Variants in SEZ6L observed in about 807,000 individuals in gnomAD.
SEZ6L encodes the protein seizure related 6 homolog like, also known as seizure 6-like protein.
SEZ6L carries 37 observed loss-of-function variants against 106.2 expected under a neutral mutation model. That is an observed-to-expected ratio of 0.35 (90% CI 0.27 to 0.46). The LOEUF is 0.46. Among genes scored for constraint, SEZ6L ranks in the 20% least tolerant of loss-of-function variants. The pLI is 1.00. For missense variants in SEZ6L, 1,172 were observed against 1,332.8 expected, an observed-to-expected ratio of 0.88 and a Z score of 1.88; for synonymous variants, 541 against 570.4, an observed-to-expected ratio of 0.95 and a Z score of 0.73.
chr22:26,237,807 A>T (rs1375250253), intron 1 of SEZ6L, among the ~76,000 whole-genome samples: 1 of 151,976 alleles, frequency 6.6e-6, no homozygotes, highest in Non-Finnish European at 1.5e-5. Flanking sequence ...GGGAATAATG[A>T]TTTGGATTTT....
At chr22:26,271,294 A>G (rs891522435) in intron 1 of SEZ6L, among the ~76,000 whole-genome samples, 1 of 152,230 alleles carries the variant, frequency 6.6e-6, no homozygotes, top group Admixed American at 6.5e-5. Flanking sequence ...AAATCAGAAC[A>G]TTTGCACTAA....
chr22:26,248,379 GGGTCT>G (rs2079439631), intron 1 of SEZ6L, among the ~76,000 whole-genome samples: 1 of 152,134 alleles, frequency 6.6e-6, no homozygotes, highest in Non-Finnish European at 1.5e-5. Context: ...GAGAGAGACA[GGGTCT>G]CACTCTTTTG....
rs771153075 is a variant in SEZ6L, at chr22:26,292,505, G to A, written c.194G>A (p.Arg65Lys). ...GSPGKEHPEE[R>K]VVTAPPSSSQ... ...CCTGGCAAAGAGCACCCTGAAGAGA[G>A]AGTGGTAACAGCGCCCCCCAGTTCC... The change falls in exon 2 of 17, where the codon AGA (arginine) becomes AAA (lysine). Residue 65 changes from arginine (R) to lysine (K), a missense_variant. Transcript: ENST00000248933. The A allele has an allele frequency of 2.5e-6, 4 of 1,613,986 alleles. No homozygotes were observed. Among genetic ancestry groups the A allele is most frequent in the Admixed American group, 1.7e-5 (1 of 60,010 alleles).
intron 1 of SEZ6L, among the ~76,000 whole-genome samples, chr22:26,284,061 AT>A (rs931410537): frequency 1.3e-5 from 2 of 152,194 alleles, no homozygotes; most frequent in African/African-American, 4.8e-5. Context: ...TGAGCTCTGC[AT>A]TTTACTGGCA....
rs375190155 is a variant in SEZ6L, at chr22:26,351,152, C to T, written c.2508C>T (p.Pro836=). ...VGTTIQYTCN[P]GFVLEGSSLL... The stretch of plus-strand genomic sequence containing the variant: ...CCACCATCCAATACACCTGCAACCC[C>T]GGTTTTGTGCTTGAAGGGAGTTCTC... The change falls in exon 12 of 17, where the codon CCC becomes CCT. Residue 836 remains proline, a synonymous_variant. Transcript: ENST00000248933. 40 of 1,614,080 alleles carry T rather than the reference C, an allele frequency of 2.5e-5. No homozygotes were observed. Among genetic ancestry groups the T allele is most frequent in the Non-Finnish European group, 3.1e-5 (36 of 1,180,042 alleles).
At chr22:26,242,980 G>C (rs2079188958) in intron 1 of SEZ6L, 1 of 152,198 alleles carries the variant, frequency 6.6e-6, no homozygotes, top group Admixed American at 6.5e-5. Context: ...CCTTCTGGAG[G>C]TTCTGAGGGC....
At chr22:26,188,403 T>A in intron 1 of SEZ6L, among the ~76,000 whole-genome samples, 1 of 152,342 alleles carries the variant, frequency 6.6e-6, no homozygotes, top group East Asian at 1.9e-4. Context: ...GGGGTTCAAC[T>A]GCATGTCTGG....
Position 26,294,153 on chromosome 22 carries a change from G to T in SEZ6L, c.836-139G>T, listed in dbSNP as rs555639537. ...TTTTTATTATCATGTCAATTCTGGA[G>T]CTGAGGAATTAACAGCAGAAGGACA... On this transcript the variant is annotated intron_variant, in intron 2 of 16. Transcript: ENST00000248933. The T allele has an allele frequency of 3.2e-3, 2,339 of 721,878 alleles. 34 individuals are homozygous for T. The highest frequency in any genetic ancestry group is 0.021 in the Middle Eastern group (66 of 3,088). 44.7% of individuals were successfully genotyped at this position (721,878 alleles called of 1,614,324 possible). A position where few individuals can be genotyped will look rare whatever the true frequency, so the allele number is the denominator to read the frequency against.
At chr22:26,191,976 CTCCA>C (rs55983247) in intron 1 of SEZ6L, among the ~76,000 whole-genome samples, 5,119 of 150,058 alleles carry the variant, frequency 0.034, 273 homozygotes, top group African/African-American at 0.11. Flanking sequence ...AAGCAAGTCA[CTCCA>C]TCCATCCATC....
intron 1 of SEZ6L, among the ~76,000 whole-genome samples, chr22:26,210,457 C>A (rs1307541675): frequency 6.6e-6 from 1 of 152,108 alleles, no homozygotes; most frequent in African/African-American, 2.4e-5. Flanking sequence ...TTTTAGAATT[C>A]ATTGGGATAT....
intron 9 of SEZ6L, among the ~76,000 whole-genome samples, chr22:26,322,052 G>C (rs186790081): frequency 4.6e-5 from 7 of 152,304 alleles, no homozygotes; most frequent in Non-Finnish European, 7.3e-5. Flanking sequence ...ATTATGCAGA[G>C]ATAATAATTA....
At chr22:26,359,710 T>G in intron 12 of SEZ6L, among the ~76,000 whole-genome samples, 1 of 151,904 alleles carries the variant, frequency 6.6e-6, no homozygotes, top group Non-Finnish European at 1.5e-5. Context: ...GAGGCTAAGG[T>G]GGGAGGATCT....
chr22:26,222,979 C>T (rs1322196466), intron 1 of SEZ6L, among the ~76,000 whole-genome samples: 1 of 102,074 alleles, frequency 9.8e-6, no homozygotes, highest in African/African-American at 5.6e-5. Flanking sequence ...CATGGGACAG[C>T]CTCCCACAAA....
intron 1 of SEZ6L, among the ~76,000 whole-genome samples, chr22:26,221,444 G>A (rs1295129907): frequency 1.3e-5 from 2 of 152,132 alleles, no homozygotes; most frequent in South Asian, 2.1e-4. Flanking sequence ...CACTTTGCTA[G>A]AAAGTGACTG....
intron 12 of SEZ6L, 33 bp from the exon 13 acceptor site, chr22:26,365,339 T>C (rs2083770547): frequency 5.1e-6 from 8 of 1,576,512 alleles, no homozygotes; most frequent in Non-Finnish European, 6.1e-6. Context: ...ATTTGCATCA[T>C]CTCATCAGAG....
chr22:26,186,982 C>A (rs1366355658), intron 1 of SEZ6L, among the ~76,000 whole-genome samples: 1 of 152,160 alleles, frequency 6.6e-6, no homozygotes, highest in African/African-American at 2.4e-5. Flanking sequence ...ACAGATAGGA[C>A]TTGAAGGAGT....
intron 1 of SEZ6L, among the ~76,000 whole-genome samples, chr22:26,282,293 A>T (rs1234190917): frequency 6.6e-6 from 1 of 152,140 alleles, no homozygotes; most frequent in African/African-American, 2.4e-5. Flanking sequence ...TTGTTTCCAG[A>T]TTTTTGCTAC....
chr22:26,380,358 C>A lies in SEZ6L; in HGVS notation c.*63C>A. 1 of 1,391,144 alleles carries A rather than the reference C, an allele frequency of 7.2e-7. No homozygotes were observed. Among genetic ancestry groups the A allele is most frequent in the Non-Finnish European group, 1.0e-6 (1 of 979,394 alleles). 86.2% of individuals were successfully genotyped at this position (1,391,144 alleles called of 1,614,324 possible). On this transcript the variant is annotated 3_prime_UTR_variant, in exon 17 of 17. Coordinates refer to ENST00000248933, the MANE Select transcript of SEZ6L (RefSeq NM_021115.5). Reference sequence around the variant, plus strand: ...CCACAATCTCCTCGAGACATTCATCCAGAGACCATGTGGCACTTGATTGAA... The same window carrying A: ...CCACAATCTCCTCGAGACATTCATCAAGAGACCATGTGGCACTTGATTGAA...
chr22:26,265,225 G>A (rs2080137946), intron 1 of SEZ6L, among the ~76,000 whole-genome samples: 1 of 152,136 alleles, frequency 6.6e-6, no homozygotes, highest in African/African-American at 2.4e-5. Context: ...ACCACCCTGT[G>A]CACCTCCCTT....
Sources: allele counts gnomAD v4.1 joint callset (sites outside exome capture counted in the v4.1 genomes callset), GRCh38; gene constraint gnomAD v4.1.1; transcripts MANE v1.5; gene names NCBI Gene and HGNC (gene_info 2026-07-23, HGNC 2026-07-21).